Variants in CREM observed in about 807,000 individuals in gnomAD.
The protein encoded by CREM is cAMP responsive element modulator, also known as cAMP-responsive element modulator.
A neutral mutation model predicts 37.3 loss-of-function variants in CREM; 13 were observed. The ratio of observed to expected loss-of-function variants is 0.35; its 90% CI spans 0.23 to 0.55. The LOEUF (loss-of-function observed/expected upper bound fraction) is 0.55. Among genes scored for constraint, CREM ranks in the 20% least tolerant of loss-of-function variants. The pLI, the probability that CREM is intolerant of heterozygous loss-of-function variation, is 0.88. For synonymous variants in CREM, 124 were observed against 120.2 expected, an observed-to-expected ratio of 1.03 and a Z score of -0.21; for missense variants, 296 against 362.3, an observed-to-expected ratio of 0.82 and a Z score of 1.49.
chr10:35,169,268 T>A (rs919216243), intron 3 of CREM, among the ~76,000 whole-genome samples: 1 of 152,220 alleles, frequency 6.6e-6, no homozygotes, highest in Non-Finnish European at 1.5e-5. Context: ...TCCTCTTTTA[T>A]TTCATTGAGC....
intron 6 of CREM, chr10:35,196,634 C>T (rs1176438501): frequency 9.2e-5 from 14 of 152,286 alleles, no homozygotes; most frequent in Non-Finnish European, 2.1e-4. Flanking sequence ...CTATAGACTG[C>T]AGAACTCAAA....
intron 2 of CREM, among the ~76,000 whole-genome samples, chr10:35,138,471 A>C (rs1375850536): frequency 6.6e-5 from 10 of 151,862 alleles, no homozygotes; most frequent in Non-Finnish European, 1.5e-4. Flanking sequence ...AGGGTAGTGC[A>C]CTTCCTCTGC....
chr10:35,199,185 A>C (rs545018471), intron 6 of CREM, among the ~76,000 whole-genome samples: 1 of 152,362 alleles, frequency 6.6e-6, no homozygotes, highest in East Asian at 1.9e-4. Flanking sequence ...TTTAGGTGTG[A>C]CAGCTTCTTG....
chr10:35,138,704 A>G (rs2090983665), intron 2 of CREM, among the ~76,000 whole-genome samples: 1 of 151,582 alleles, frequency 6.6e-6, no homozygotes, highest in African/African-American at 2.4e-5. Context: ...TTTTAATTTT[A>G]TATTAAAACA....
At chr10:35,209,966 A>G (rs1332252577) in intron 7 of CREM, among the ~76,000 whole-genome samples, 1 of 151,992 alleles carries the variant, frequency 6.6e-6, no homozygotes, top group Non-Finnish European at 1.5e-5. Context: ...GCAGGGGTTG[A>G]TCTTTTCCTG....
chr10:35,201,311 A>T (rs2095376352), intron 6 of CREM: 1 of 822,534 alleles, frequency 1.2e-6, no homozygotes, highest in Non-Finnish European at 1.9e-6. Context: ...GTTGTCTTTC[A>T]GAACTTAAGG....
intron 2 of CREM, among the ~76,000 whole-genome samples, chr10:35,138,647 C>T (rs1424040895): frequency 6.6e-6 from 1 of 151,624 alleles, no homozygotes; most frequent in Non-Finnish European, 1.5e-5. Context: ...CTGCCTCAGC[C>T]ACCTGAGTAG....
chr10:35,156,218 C>T (rs535295478), intron 3 of CREM, among the ~76,000 whole-genome samples: 9 of 151,562 alleles, frequency 5.9e-5, no homozygotes, highest in East Asian at 1.9e-4. Flanking sequence ...GGATTACAGG[C>T]GTGAGCCACA....
chr10:35,207,146 A>T (rs2095545734), intron 7 of CREM, 95 bp downstream of exon 7: 1 of 1,330,918 alleles, frequency 7.5e-7, no homozygotes, highest in Non-Finnish European at 1.0e-6. Flanking sequence ...TAATCCCAGC[A>T]CTTTGGGAGG....
chr10:35,200,893 C>T (rs2095363444), intron 6 of CREM, among the ~76,000 whole-genome samples: 1 of 152,082 alleles, frequency 6.6e-6, no homozygotes. Context: ...ATAAAATCAC[C>T]ATCATTTGGG....
chr10:35,135,862 G>T (rs1240469691), intron 1 of CREM, among the ~76,000 whole-genome samples: 1 of 152,018 alleles, frequency 6.6e-6, no homozygotes. Context: ...CAAATAGAGG[G>T]GGAAATGCTG....
At chr10:35,135,704 AG>A (rs2090363456) in intron 1 of CREM, among the ~76,000 whole-genome samples, 1 of 134,654 alleles carries the variant, frequency 7.4e-6, no homozygotes, top group Non-Finnish European at 1.6e-5. Flanking sequence ...TGGGCAACAT[AG>A]TGATACCTAT....
intron 3 of CREM, among the ~76,000 whole-genome samples, chr10:35,159,325 A>G (rs2093144733): frequency 1.3e-5 from 2 of 152,232 alleles, no homozygotes; most frequent in Non-Finnish European, 2.9e-5. Flanking sequence ...ACTTCAAAAT[A>G]TACTATAGAG....
intron 6 of CREM, among the ~76,000 whole-genome samples, chr10:35,199,305 C>G (rs2134179033): frequency 6.6e-6 from 1 of 152,294 alleles, no homozygotes; most frequent in East Asian, 1.9e-4. Context: ...GGAAATTACT[C>G]ATGTTATTTT....
intron 3 of CREM, among the ~76,000 whole-genome samples, chr10:35,166,455 G>T (rs2093559133): frequency 6.6e-6 from 1 of 151,990 alleles, no homozygotes; most frequent in African/African-American, 2.4e-5. Flanking sequence ...CAGCTACTTG[G>T]GAGGCTGAGG....
chr10:35,185,771 T>C (rs4934540), intron 5 of CREM, among the ~76,000 whole-genome samples: 50,245 of 152,064 alleles, frequency 0.33, 8,406 homozygotes, highest in South Asian at 0.35. Context: ...TCAACCTCAG[T>C]TCTATTGACA....
intron 6 of CREM, among the ~76,000 whole-genome samples, chr10:35,193,374 CT>C (rs943244538): frequency 2.4e-4 from 36 of 151,796 alleles, no homozygotes; most frequent in Non-Finnish European, 3.8e-4. Flanking sequence ...CCTTCCTTGC[CT>C]TTTTTTTCAC....
chr10:35,147,047 T>TG (rs1564813251), intron 2 of CREM, among the ~76,000 whole-genome samples: 8 of 67,996 alleles, frequency 1.2e-4, no homozygotes, highest in African/African-American at 3.4e-4. Flanking sequence ...TTGGGTTTTT[T>TG]TTTTTTTTTT....
Position 35,168,577 on chromosome 10 carries a change from T to C in CREM, c.169-10312T>C, listed in dbSNP as rs568382054. 1.1e-4 allele frequency among the ~76,000 whole-genome samples: 16 copies of C among 152,342 alleles called. No individual in the cohort carries two copies. The East Asian group carries it at 1.7e-3, about 17-fold the overall frequency. The stretch of plus-strand genomic sequence containing the variant: ...TCTTCACTTTGATCGTAGTTTCTTT[T>C]GCTGTGCAGAAGCTCTTTAGTTTAA... On this transcript the variant is annotated intron_variant, in intron 3 of 7. Transcript: ENST00000685392.
Sources: gnomAD v4.1 joint callset for allele counts (sites outside exome capture counted in the v4.1 genomes callset) on GRCh38, gnomAD v4.1.1 for gene constraint, MANE v1.5 for transcripts, NCBI Gene and HGNC (gene_info 2026-07-23, HGNC 2026-07-21) for gene names.